The following CDH18 variants were observed in gnomAD, a reference collection of about 807,000 sequenced individuals.
CDH18 encodes the protein cadherin-18.
A neutral mutation model predicts 67.9 loss-of-function variants in CDH18; 31 were observed. The ratio of observed to expected loss-of-function variants is 0.46; its 90% CI spans 0.34 to 0.62. CDH18 has a LOEUF of 0.62. Ranked by LOEUF, CDH18 falls within the 20% of genes least tolerant of loss-of-function variation. The probability of loss-of-function intolerance (pLI) is 0.01; values close to 1 mark genes in which losing one functional copy is unlikely to be tolerated. For missense variants in CDH18, 890 were observed against 975.5 expected (o/e 0.91, Z 1.17); for synonymous variants, 362 against 347.2 (o/e 1.04, Z -0.48).
chr5:20,117,915 T>G (rs1356883365), intron 2 of CDH18, among the ~76,000 whole-genome samples: 1 of 152,166 alleles, frequency 6.6e-6, no homozygotes, highest in Non-Finnish European at 1.5e-5. Flanking sequence ...TGAATTTTAA[T>G]TTGTTATTGT....
intron 2 of CDH18, among the ~76,000 whole-genome samples, chr5:20,197,773 A>C (rs1180361098): frequency 6.6e-6 from 1 of 152,238 alleles, no homozygotes; most frequent in Non-Finnish European, 1.5e-5. Flanking sequence ...ATGTACCATT[A>C]GAAAAACAGC....
chr5:20,011,146 T>C (rs1407952742), intron 2 of CDH18, among the ~76,000 whole-genome samples: 2 of 152,186 alleles, frequency 1.3e-5, no homozygotes, highest in African/African-American at 2.4e-5. Context: ...CAGTGGTTTG[T>C]AGTTCTTCTT....
intron 5 of CDH18, among the ~76,000 whole-genome samples, chr5:19,707,480 A>G (rs1764119599): frequency 6.6e-6 from 1 of 152,110 alleles, no homozygotes; most frequent in Non-Finnish European, 1.5e-5. Flanking sequence ...CCCCCAGTGG[A>G]GGTATACACT....
intron 1 of CDH18, among the ~76,000 whole-genome samples, chr5:20,388,793 G>C (rs6878925): frequency 0.99 from 150,025 of 152,260 alleles, 73,959 homozygotes; most frequent in Middle Eastern, 1. Context: ...TTTCTGCCTT[G>C]ATTTCGTTAT....
chr5:19,971,810 A>G (rs971425125), intron 2 of CDH18, among the ~76,000 whole-genome samples: 1 of 151,814 alleles, frequency 6.6e-6, no homozygotes, highest in Non-Finnish European at 1.5e-5. Flanking sequence ...AAGTTTACCT[A>G]TGTAACAAAC....
chr5:20,199,783 T>A (rs1040311414), intron 2 of CDH18, among the ~76,000 whole-genome samples: 1 of 152,162 alleles, frequency 6.6e-6, no homozygotes, highest in South Asian at 2.1e-4. Context: ...AATTGAATCA[T>A]GGGGGTGGTT....
chr5:19,574,766 G>A (rs1742033441), intron 7 of CDH18, among the ~76,000 whole-genome samples: 1 of 152,044 alleles, frequency 6.6e-6, no homozygotes, highest in Admixed American at 6.6e-5. Flanking sequence ...TCCCAGGTGA[G>A]GCACGGTGCC....
At chr5:19,883,437 C>T (rs939933169) in intron 2 of CDH18, among the ~76,000 whole-genome samples, 4 of 103,938 alleles carry the variant, frequency 3.8e-5, no homozygotes, top group Non-Finnish European at 7.7e-5. Flanking sequence ...TTGTTTACTA[C>T]ATCAACATTT....
intron 2 of CDH18, among the ~76,000 whole-genome samples, chr5:19,898,525 T>C (rs943008712): frequency 6.6e-6 from 1 of 152,038 alleles, no homozygotes; most frequent in African/African-American, 2.4e-5. Flanking sequence ...AGGGGATTAC[T>C]AATAAAGGGT....
intron 2 of CDH18, among the ~76,000 whole-genome samples, chr5:20,038,989 A>T (rs529914639): frequency 4.6e-5 from 7 of 152,320 alleles, no homozygotes; most frequent in African/African-American, 1.7e-4. Flanking sequence ...AAGCAACTTC[A>T]TCAAAGTCTC....
chr5:20,083,837 T>C (rs1330253784), intron 2 of CDH18, among the ~76,000 whole-genome samples: 1 of 152,142 alleles, frequency 6.6e-6, no homozygotes, highest in Admixed American at 6.5e-5. Context: ...ATGAGACTTA[T>C]TCACTATCAC....
chr5:19,569,232 T>C (rs1425370382), intron 8 of CDH18, among the ~76,000 whole-genome samples: 1 of 152,214 alleles, frequency 6.6e-6, no homozygotes, highest in East Asian at 1.9e-4. Context: ...CATTACTTGC[T>C]ATTCCCACAG....
chr5:20,057,257 TA>T lies in CDH18; in HGVS notation c.-517-65244del, dbSNP rs141947359. ...CCCTATCATGACAATCAGAGCCATA[TA>T]AAAATCCCAGGAATTCAAAAAAGAA... is the stretch of plus-strand genomic sequence containing the variant. On this transcript the variant is annotated intron_variant, in intron 2 of 14. Transcript: ENST00000507958. Among the ~76,000 whole-genome samples, 3,393 of 152,234 alleles carry T rather than the reference TA, an allele frequency of 0.022. 226 individuals carry two copies. The East Asian group carries it at 0.27, about 12-fold the overall frequency.
At chr5:19,953,875 G>T (rs1041961984) in intron 2 of CDH18, among the ~76,000 whole-genome samples, 2 of 151,488 alleles carry the variant, frequency 1.3e-5, no homozygotes, top group African/African-American at 4.8e-5. Flanking sequence ...GAGTTAAATG[G>T]AAAAAGAAAA....
intron 1 of CDH18, among the ~76,000 whole-genome samples, chr5:20,545,888 C>G (rs1012168031): frequency 3.3e-5 from 5 of 152,166 alleles, no homozygotes; most frequent in Admixed American, 2.0e-4. Flanking sequence ...ATTTTCCAAA[C>G]CTTTATGCTC....
chr5:19,498,934 C>T (rs1256428717), intron 11 of CDH18, among the ~76,000 whole-genome samples: 1 of 152,184 alleles, frequency 6.6e-6, no homozygotes. Context: ...ACAGACACAT[C>T]TCTTATATGC....
intron 2 of CDH18, among the ~76,000 whole-genome samples, chr5:20,060,891 T>C (rs1393511562): frequency 1.3e-5 from 2 of 151,986 alleles, no homozygotes; most frequent in African/African-American, 4.8e-5. Context: ...GCTTTTTATA[T>C]GATTGACACA....
At chr5:20,548,851 A>G (rs945793447) in intron 1 of CDH18, among the ~76,000 whole-genome samples, 1 of 152,112 alleles carries the variant, frequency 6.6e-6, no homozygotes, top group African/African-American at 2.4e-5. Context: ...ATGAAGTCTA[A>G]TGTCTTGATC....
chr5:19,806,548 G>A (rs1446570496), intron 3 of CDH18, among the ~76,000 whole-genome samples: 2 of 152,194 alleles, frequency 1.3e-5, no homozygotes, highest in South Asian at 4.1e-4. Flanking sequence ...GATTTATATC[G>A]TAAAAACTGA....
Sources: allele counts gnomAD v4.1 joint callset (sites outside exome capture counted in the v4.1 genomes callset), GRCh38; gene constraint gnomAD v4.1.1; transcripts MANE v1.5; gene names NCBI Gene and HGNC (gene_info 2026-07-23, HGNC 2026-07-21).